STK33: variants seen among roughly 807,000 people sequenced by gnomAD.
The protein encoded by STK33 is serine/threonine-protein kinase 33.
In STK33, 52 loss-of-function variants were observed where a neutral mutation model predicts 58.0. That is an observed-to-expected ratio of 0.90 (90% CI 0.72 to 1.13). The LOEUF (loss-of-function observed/expected upper bound fraction) is 1.13, where lower values mean the gene tolerates loss of function less well. Ranked by LOEUF, STK33 falls within the 50% of genes most tolerant of loss-of-function variation. The pLI is 0.00. For synonymous variants in STK33, 215 were observed against 200.1 expected (o/e 1.07, Z -0.63); for missense variants, 630 against 604.2 (o/e 1.04, Z -0.45).
At chr11:8,468,819 T>C (rs1948487535) in intron 6 of STK33, among the ~76,000 whole-genome samples, 4 of 152,214 alleles carry the variant, frequency 2.6e-5, no homozygotes, top group Admixed American at 2.0e-4. Context: ...CTCAGAGATA[T>C]TGTGTATTCA....
At chr11:8,473,515 A>T (rs1432116695) in intron 5 of STK33, among the ~76,000 whole-genome samples, 2 of 152,190 alleles carry the variant, frequency 1.3e-5, no homozygotes, top group Non-Finnish European at 2.9e-5. Flanking sequence ...AGTCTACATG[A>T]TAACCAGCAT....
At chr11:8,444,590 T>C (rs1471610568) in intron 11 of STK33, among the ~76,000 whole-genome samples, 1 of 152,126 alleles carries the variant, frequency 6.6e-6, no homozygotes, top group Non-Finnish European at 1.5e-5. Context: ...AAGTGCATAT[T>C]GAATTTATAG....
chr11:8,382,036 C>T, the STK33 span, among the ~76,000 whole-genome samples: 1 of 152,158 alleles, frequency 6.6e-6, no homozygotes, highest in Non-Finnish European at 1.5e-5. Context: ...TCCCACACCA[C>T]ACCTCTTCCC....
chr11:8,369,564 C>A, the STK33 span, among the ~76,000 whole-genome samples: 127 of 151,870 alleles, frequency 8.4e-4, no homozygotes, highest in African/African-American at 3.0e-3. Flanking sequence ...GAGGGTGGGG[C>A]AGCACCTAGC....
intron 1 of STK33, among the ~76,000 whole-genome samples, chr11:8,538,524 T>C (rs1955237956): frequency 6.6e-6 from 1 of 152,174 alleles, no homozygotes; most frequent in Admixed American, 6.5e-5. Context: ...ACAGGGAAAT[T>C]TTAGGGTGAA....
chr11:8,370,258 C>T, the STK33 span, among the ~76,000 whole-genome samples: 1 of 151,960 alleles, frequency 6.6e-6, no homozygotes, highest in African/African-American at 2.4e-5. Context: ...AGTATAGTGG[C>T]ACGATCATAG....
chr11:8,489,985 A>C (rs1950484689), intron 1 of STK33, among the ~76,000 whole-genome samples: 1 of 152,138 alleles, frequency 6.6e-6, no homozygotes, highest in Admixed American at 6.5e-5. Flanking sequence ...TCTGGTCTAC[A>C]GCTCCCACTG....
chr11:8,523,956 T>C (rs1209475990), intron 1 of STK33, among the ~76,000 whole-genome samples: 5 of 152,242 alleles, frequency 3.3e-5, no homozygotes, highest in African/African-American at 4.8e-5. Context: ...GGAGACTCCA[T>C]CTTGTTCTGT....
the STK33 span, among the ~76,000 whole-genome samples, chr11:8,383,388 G>A: frequency 4.0e-4 from 61 of 152,282 alleles, no homozygotes; most frequent in East Asian, 0.01. Flanking sequence ...TTTCCAGAGT[G>A]GAATTCATCT....
chr11:8,554,334 G>A (rs977188094), intron 1 of STK33, among the ~76,000 whole-genome samples: 4 of 150,078 alleles, frequency 2.7e-5, no homozygotes, highest in South Asian at 2.1e-4. Flanking sequence ...CAGGAGAATC[G>A]CTTGAATCCG....
At chr11:8,397,743 A>G (rs1254543546) in intron 15 of STK33, among the ~76,000 whole-genome samples, 3 of 152,218 alleles carry the variant, frequency 2.0e-5, no homozygotes, top group Non-Finnish European at 4.4e-5. Context: ...AAACTAGGAT[A>G]ACCAATGCAC....
chr11:8,592,402 A>G (rs10840085), intron 1 of STK33, among the ~76,000 whole-genome samples: 79,410 of 152,028 alleles, frequency 0.52, 20,832 homozygotes, highest in African/African-American at 0.55. Flanking sequence ...ATAATGACAG[A>G]TGTGAGTTAA....
intron 1 of STK33, among the ~76,000 whole-genome samples, chr11:8,575,340 A>C (rs925210295): frequency 1.3e-5 from 2 of 152,222 alleles, no homozygotes; most frequent in Non-Finnish European, 2.9e-5. Context: ...TAGCCAATAG[A>C]CACAAACAAC....
chr11:8,571,552 G>A (rs774676489), intron 1 of STK33, among the ~76,000 whole-genome samples: 8 of 152,058 alleles, frequency 5.3e-5, no homozygotes, highest in Non-Finnish European at 1.0e-4. Flanking sequence ...GTTAAAATGG[G>A]GCCAGGCATG....
chr11:8,532,729 T>TAC (rs1332157143), intron 1 of STK33, among the ~76,000 whole-genome samples: 1 of 152,238 alleles, frequency 6.6e-6, no homozygotes, highest in African/African-American at 2.4e-5. Context: ...AGATGTCTTC[T>TAC]ACACACATTG....
At chr11:8,373,518 C>T in the STK33 span, among the ~76,000 whole-genome samples, 1 of 151,988 alleles carries the variant, frequency 6.6e-6, no homozygotes, top group Non-Finnish European at 1.5e-5. Flanking sequence ...CAGGCTGGGC[C>T]CAGGCATGGC....
the STK33 span, among the ~76,000 whole-genome samples, chr11:8,379,897 G>A: frequency 3.4e-4 from 51 of 152,228 alleles, no homozygotes; most frequent in African/African-American, 1.0e-3. Context: ...TTCTGTTCCT[G>A]TGTTAGTTTG....
At chr11:8,342,903 G>T in the STK33 span, among the ~76,000 whole-genome samples, 1 of 152,256 alleles carries the variant, frequency 6.6e-6, no homozygotes, top group East Asian at 1.9e-4. Context: ...CAATAAAGGT[G>T]TGTGTCAGGG....
intron 1 of STK33, among the ~76,000 whole-genome samples, chr11:8,546,308 T>C (rs956294626): frequency 2.6e-5 from 4 of 152,314 alleles, no homozygotes; most frequent in Non-Finnish European, 5.9e-5. Flanking sequence ...CTGTAACTTT[T>C]TATTGATATA....
Sources: gnomAD v4.1 joint callset for allele counts (sites outside exome capture counted in the v4.1 genomes callset) on GRCh38, gnomAD v4.1.1 for gene constraint, MANE v1.5 for transcripts, NCBI Gene and HGNC (gene_info 2026-07-23, HGNC 2026-07-21) for gene names.